The following SATL1 variants were observed in gnomAD, a reference collection of about 807,000 sequenced individuals.
SATL1 encodes the protein spermidine/spermine N(1)-acetyltransferase-like protein 1.
SATL1 carries 47 observed loss-of-function variants against 51.8 expected under a neutral mutation model. The observed-to-expected ratio is 0.91, with a 90% CI of 0.72 to 1.16. The LOEUF (loss-of-function observed/expected upper bound fraction) is 1.16, where lower values mean the gene tolerates loss of function less well. Ranked by LOEUF, SATL1 falls within the 50% of genes most tolerant of loss-of-function variation. The pLI is 0.00. For synonymous variants in SATL1, 176 were observed against 182.4 expected (o/e 0.97, Z 0.28); for missense variants, 520 against 526.4 (o/e 0.99, Z 0.12).
rs897198086 is a variant in SATL1, at chrX:85,236,390, G to C, written c.-435+7198C>G. On this transcript the variant is annotated intron_variant, in intron 1 of 7. Transcript: ENST00000644105. The stretch of plus-strand genomic sequence containing the variant: ...ACCAAAGACATATCAAAAAAGTAAG[G>C]GTACAAGTTAATAAGTTAATATTCC... Among the ~76,000 whole-genome samples the C allele has an allele frequency of 9.0e-5, 10 of 110,499 alleles. No individual in the cohort carries two copies. The Admixed American group carries it at 9.6e-4, about 11-fold the overall frequency.
chrX:85,193,077 T>C (rs1927474697), intron 2 of SATL1, among the ~76,000 whole-genome samples: 1 of 111,914 alleles, frequency 8.9e-6, no homozygotes, highest in Admixed American at 9.5e-5. Context: ...TAAGTACTTT[T>C]ACGATATGCA....
chrX:85,159,200 A>T (rs766957281), intron 2 of SATL1, among the ~76,000 whole-genome samples: 1 of 111,868 alleles, frequency 8.9e-6, no homozygotes, highest in African/African-American at 3.2e-5. Context: ...TTACAGCTTT[A>T]TGACTGTGCA....
chrX:85,152,223 C>T (rs1282392840), intron 2 of SATL1, among the ~76,000 whole-genome samples: 4 of 111,880 alleles, frequency 3.6e-5, no homozygotes, highest in Non-Finnish European at 5.7e-5. Flanking sequence ...AAAATGCTCA[C>T]CATCACTGGC....
chrX:85,187,134 A>T (rs1469936248), intron 2 of SATL1, among the ~76,000 whole-genome samples: 1 of 112,005 alleles, frequency 8.9e-6, no homozygotes, highest in African/African-American at 3.2e-5. Flanking sequence ...TTTTTCAGAT[A>T]GTTCATTGTT....
intron 2 of SATL1, among the ~76,000 whole-genome samples, chrX:85,124,253 A>G (rs776510042): frequency 7.2e-5 from 8 of 111,566 alleles, no homozygotes; most frequent in African/African-American, 9.7e-5. Flanking sequence ...TTATAGATTC[A>G]ATGGAGAAGT....
intron 2 of SATL1, among the ~76,000 whole-genome samples, chrX:85,125,569 G>C (rs1206564068): frequency 1.9e-5 from 2 of 106,343 alleles, no homozygotes; most frequent in African/African-American, 6.9e-5. Flanking sequence ...AAGAATGATA[G>C]AATTGTCCAT....
chrX:85,092,639 T>C (rs781211117), intron 7 of SATL1, 78 bp from the exon 8 acceptor site: 307 of 931,050 alleles, frequency 3.3e-4, no homozygotes, highest in Non-Finnish European at 4.4e-4. Flanking sequence ...TTATTGAAGG[T>C]CTACTCTATG....
At chrX:85,150,790 A>C (rs1448428164) in intron 2 of SATL1, among the ~76,000 whole-genome samples, 10 of 109,658 alleles carry the variant, frequency 9.1e-5, no homozygotes, top group Non-Finnish European at 1.7e-4. Flanking sequence ...AACTCTCAAT[A>C]AATTAGGTAT....
At chrX:85,148,204 A>T (rs1926313815) in intron 2 of SATL1, among the ~76,000 whole-genome samples, 1 of 111,988 alleles carries the variant, frequency 8.9e-6, no homozygotes, top group South Asian at 3.7e-4. Context: ...CAATGCAATC[A>T]ACTGGAAGAA....
chrX:85,241,311 A>G (rs987263501), intron 1 of SATL1, among the ~76,000 whole-genome samples: 3 of 110,721 alleles, frequency 2.7e-5, no homozygotes, highest in Non-Finnish European at 5.7e-5. Context: ...GTGCTAAAAA[A>G]CTACCTGTTG....
chrX:85,237,090 AT>A lies in SATL1; in HGVS notation c.-435+6497del, dbSNP rs200964806. 2.3e-3 allele frequency among the ~76,000 whole-genome samples: 259 copies of A among 111,335 alleles called. 8 individuals carry two copies. The East Asian group carries it at 0.045, about 19-fold the overall frequency. On this transcript the variant is annotated intron_variant, in intron 1 of 7. Coordinates refer to ENST00000644105, the MANE Select transcript of SATL1 (RefSeq NM_001367857.2). ...AAGTACCTAGGAATTAATGAACTAA[AT>A]TAAAGGTCTCTATAATTAAAACTAT...
chrX:85,097,166 A>G (rs1432850630), intron 4 of SATL1, among the ~76,000 whole-genome samples: 1 of 110,929 alleles, frequency 9.0e-6, no homozygotes, highest in African/African-American at 3.3e-5. Flanking sequence ...ACATATACAG[A>G]GGACTGACTT....
chrX:85,152,409 C>G (rs1432592292), intron 2 of SATL1, among the ~76,000 whole-genome samples: 1 of 111,623 alleles, frequency 9.0e-6, no homozygotes, highest in Admixed American at 9.5e-5. Flanking sequence ...GTCAGTGTGG[C>G]GATTCCTCAG....
intron 1 of SATL1, among the ~76,000 whole-genome samples, chrX:85,228,567 T>G: frequency 9.0e-6 from 1 of 111,277 alleles, no homozygotes; most frequent in South Asian, 3.7e-4. Flanking sequence ...ACAACTAGGC[T>G]TTCACACCTA....
intron 4 of SATL1, among the ~76,000 whole-genome samples, chrX:85,097,167 G>A (rs1312197156): frequency 1.8e-5 from 2 of 110,628 alleles, no homozygotes; most frequent in East Asian, 5.7e-4. Flanking sequence ...CATATACAGA[G>A]GACTGACTTT....
intron 2 of SATL1, among the ~76,000 whole-genome samples, chrX:85,198,096 G>A (rs1206037293): frequency 9.0e-6 from 1 of 111,382 alleles, no homozygotes; most frequent in African/African-American, 3.3e-5. Flanking sequence ...CTGGCTTTAT[G>A]TGCCTGGCTT....
intron 7 of SATL1, 92 bp downstream of exon 7, chrX:85,093,093 A>G: frequency 1.1e-6 from 1 of 903,496 alleles, no homozygotes. Flanking sequence ...GTTATGTTCA[A>G]ATGGTGAGAT....
At chrX:85,178,664 AC>A (rs1163226189) in intron 2 of SATL1, among the ~76,000 whole-genome samples, 4 of 110,647 alleles carry the variant, frequency 3.6e-5, no homozygotes, top group African/African-American at 6.6e-5. Context: ...AAACAAAAAA[AC>A]AAACCTCTAG....
At position 85,109,408 on chromosome X, in the gene SATL1, TC is replaced by T. The variant is rs764728342; in HGVS notation, c.-312-129del. 3 of 167,328 alleles carry T rather than the reference TC, an allele frequency of 1.8e-5. No homozygotes were observed. In the East Asian group the frequency reaches 4.2e-4, roughly 23 times the overall value. 13.8% of individuals were successfully genotyped at this position (167,328 alleles called of 1,213,427 possible). A position where few individuals can be genotyped will look rare whatever the true frequency, so the allele number is the denominator to read the frequency against. On this transcript the variant is annotated intron_variant, in intron 2 of 7. Coordinates refer to ENST00000644105, the MANE Select transcript of SATL1 (RefSeq NM_001367857.2). ...TGCAGGTATCAAAGTGCCTACGTGC[TC>T]CCCCGTGTGGTGAGGGTGGGGCAAA...
Sources: gnomAD v4.1 joint callset for allele counts (sites outside exome capture counted in the v4.1 genomes callset) on GRCh38, gnomAD v4.1.1 for gene constraint, MANE v1.5 for transcripts, NCBI Gene and HGNC (gene_info 2026-07-23, HGNC 2026-07-21) for gene names.